C12orf42: variants seen among roughly 807,000 people sequenced by gnomAD.
C12orf42 encodes uncharacterized protein C12orf42.
In C12orf42, 25 loss-of-function variants were observed where a neutral mutation model predicts 21.6. The ratio of observed to expected loss-of-function variants is 1.16; its 90% CI spans 0.84 to 1.62. The LOEUF (loss-of-function observed/expected upper bound fraction) is 1.62. Ranked by LOEUF, C12orf42 falls within the 40% of genes most tolerant of loss-of-function variation. C12orf42 has a pLI of 0.00. For missense variants in C12orf42, 483 were observed against 459.3 expected, an observed-to-expected ratio of 1.05 and a Z score of -0.47; for synonymous variants, 174 against 175.0, an observed-to-expected ratio of 0.99 and a Z score of 0.05.
At chr12:103,089,468 T>C in the C12orf42 span, among the ~76,000 whole-genome samples, 113 of 152,292 alleles carry the variant, frequency 7.4e-4, 1 homozygote, top group Admixed American at 2.7e-3. Context: ...ACAGGGCGTA[T>C]CTTCTTCTGA....
intron 5 of C12orf42, among the ~76,000 whole-genome samples, chr12:103,274,749 C>T (rs1310157547): frequency 6.6e-6 from 1 of 152,030 alleles, no homozygotes; most frequent in Admixed American, 6.6e-5. Context: ...GCACTTGTTG[C>T]CAAAAAGAAA....
chr12:103,111,242 A>T, the C12orf42 span, among the ~76,000 whole-genome samples: 1 of 152,164 alleles, frequency 6.6e-6, no homozygotes, highest in Non-Finnish European at 1.5e-5. Flanking sequence ...TGATTTTGTG[A>T]CTATTCATTG....
chr12:103,472,817 A>C (rs190558718), intron 2 of C12orf42, among the ~76,000 whole-genome samples: 431 of 152,362 alleles, frequency 2.8e-3, no homozygotes, highest in Non-Finnish European at 5.2e-3. Context: ...AGAGAGAAGC[A>C]GGGAGAGGCC....
intron 10 of C12orf42, among the ~76,000 whole-genome samples, chr12:103,246,841 G>C (rs1446151686): frequency 1.3e-5 from 2 of 152,032 alleles, no homozygotes; most frequent in African/African-American, 4.8e-5. Context: ...TGTGAGCCCA[G>C]AGGCTCATTA....
chr12:103,106,949 A>G, the C12orf42 span, among the ~76,000 whole-genome samples: 1 of 151,954 alleles, frequency 6.6e-6, no homozygotes, highest in African/African-American at 2.4e-5. Context: ...AAAAGTGTAT[A>G]CCAGAAAAGA....
the C12orf42 span, chr12:103,164,644 T>C: frequency 2.3e-6 from 1 of 438,036 alleles, no homozygotes; most frequent in African/African-American, 2.0e-5. Context: ...TTTTTAAGTT[T>C]GCATTGTTGT....
chr12:103,430,268 A>G (rs1592768194), intron 2 of C12orf42, among the ~76,000 whole-genome samples: 1 of 152,358 alleles, frequency 6.6e-6, no homozygotes, highest in East Asian at 1.9e-4. Flanking sequence ...ATTGACAAGA[A>G]AAACACAAAC....
the C12orf42 span, among the ~76,000 whole-genome samples, chr12:103,551,293 A>T: frequency 2.6e-5 from 4 of 152,180 alleles, no homozygotes; most frequent in Non-Finnish European, 4.4e-5. Flanking sequence ...AGTGTCTATT[A>T]CTCTTCTTTT....
chr12:103,510,726 G>C, the C12orf42 span, among the ~76,000 whole-genome samples: 17 of 152,082 alleles, frequency 1.1e-4, no homozygotes, highest in Admixed American at 1.1e-3. Context: ...TGTGCTGTGG[G>C]TTAGAGAGAG....
chr12:103,052,171 C>T, the C12orf42 span, among the ~76,000 whole-genome samples: 2 of 151,958 alleles, frequency 1.3e-5, no homozygotes, highest in East Asian at 1.9e-4. Context: ...GTGTCTTTTT[C>T]TGTATATATG....
intron 10 of C12orf42, among the ~76,000 whole-genome samples, chr12:103,259,046 A>G (rs1206412340): frequency 6.6e-6 from 1 of 152,236 alleles, no homozygotes; most frequent in African/African-American, 2.4e-5. Context: ...GTGGTAATTA[A>G]GATAAGTTGT....
chr12:103,336,130 AT>A, intron 4 of C12orf42, among the ~76,000 whole-genome samples: 1 of 152,230 alleles, frequency 6.6e-6, no homozygotes, highest in East Asian at 1.9e-4. Context: ...AAACACTGGC[AT>A]TTTGTAGGTC....
chr12:103,559,388 T>TGCCCATGTGACGCCACTGGCGGAGGACA, the C12orf42 span: 1 of 115,878 alleles, frequency 8.6e-6, no homozygotes. Context: ...GCCTGTTTTT[T>TGCCCATGTGACGCCACTGGCGGAGGACA]CCTGGACTTT....
the C12orf42 span, among the ~76,000 whole-genome samples, chr12:103,533,652 A>AT: frequency 3.3e-5 from 5 of 152,234 alleles, no homozygotes; most frequent in African/African-American, 9.6e-5. Flanking sequence ...TGAAATTGAC[A>AT]TTTTTGTTGG....
At chr12:103,069,112 A>G in the C12orf42 span, among the ~76,000 whole-genome samples, 2 of 150,482 alleles carry the variant, frequency 1.3e-5, no homozygotes, top group African/African-American at 4.9e-5. Context: ...CCTAATTTCT[A>G]TTTTACTAAT....
At chr12:103,167,952 G>C in the C12orf42 span, 1 of 424,142 alleles carries the variant, frequency 2.4e-6, no homozygotes, top group South Asian at 1.8e-5. Flanking sequence ...CAAATGGTTA[G>C]AAAGAACAGT....
chr12:103,248,494 T>C (rs150897315), intron 10 of C12orf42, among the ~76,000 whole-genome samples: 67 of 152,184 alleles, frequency 4.4e-4, no homozygotes, highest in Non-Finnish European at 8.2e-4. Flanking sequence ...GAAGAAAACG[T>C]TTTTAATTCA....
chr12:103,406,345 G>A (rs1020095500), intron 2 of C12orf42, among the ~76,000 whole-genome samples: 1 of 152,176 alleles, frequency 6.6e-6, no homozygotes, highest in African/African-American at 2.4e-5. Flanking sequence ...GCTTTCAAGA[G>A]GTTGTATGGT....
At chr12:103,073,832 G>GTA in the C12orf42 span, among the ~76,000 whole-genome samples, 1 of 152,186 alleles carries the variant, frequency 6.6e-6, no homozygotes, top group Non-Finnish European at 1.5e-5. Flanking sequence ...ACATCAGAGT[G>GTA]TATCACTAGC....
Sources: allele counts gnomAD v4.1 joint callset (sites outside exome capture counted in the v4.1 genomes callset), GRCh38; gene constraint gnomAD v4.1.1; transcripts MANE v1.5; gene names NCBI Gene and HGNC (gene_info 2026-07-23, HGNC 2026-07-21).